The following TAFA1 variants were observed in gnomAD, a reference collection of about 807,000 sequenced individuals.
The protein encoded by TAFA1 is chemokine-like protein TAFA-1.
In TAFA1, 4 loss-of-function variants were observed where a neutral mutation model predicts 18.5. The observed-to-expected ratio is 0.22, with a 90% CI of 0.11 to 0.49. The LOEUF (loss-of-function observed/expected upper bound fraction) is 0.49, where lower values mean the gene tolerates loss of function less well. TAFA1 is among the 20% of genes least tolerant of loss of function. The pLI, the probability that TAFA1 is intolerant of heterozygous loss-of-function variation, is 0.98. For missense variants in TAFA1, 147 were observed against 169.0 expected (o/e 0.87, Z 0.72); for synonymous variants, 56 against 55.2 (o/e 1.01, Z -0.06).
At chr3:68,482,404 G>A (rs1373694557) in intron 3 of TAFA1, among the ~76,000 whole-genome samples, 1 of 152,124 alleles carries the variant, frequency 6.6e-6, no homozygotes, top group Non-Finnish European at 1.5e-5. Context: ...CAAAAGAGAA[G>A]CAAGTTAACC....
At chr3:67,993,425 G>A in the TAFA1 span, among the ~76,000 whole-genome samples, 1 of 152,160 alleles carries the variant, frequency 6.6e-6, no homozygotes, top group Non-Finnish European at 1.5e-5. Flanking sequence ...CAGTTGGCTT[G>A]TAAGTATTTT....
chr3:68,216,064 G>T (rs2066653177), intron 2 of TAFA1, among the ~76,000 whole-genome samples: 1 of 152,010 alleles, frequency 6.6e-6, no homozygotes, highest in African/African-American at 2.4e-5. Context: ...AATCTGAAAA[G>T]GCTACCTACT....
In TAFA1 at chr3:68,167,509, G is replaced by A. The variant is rs375163900; in HGVS notation, c.118+160765G>A. Among the ~76,000 whole-genome samples the A allele has an allele frequency of 7.7e-4, 117 of 151,260 alleles. 1 individual carries two copies. In the East Asian group the frequency reaches 0.015, roughly 19 times the overall value. ...GGAGAATGGCCTGGACCTGGGAGGC[G>A]GAGCTTGTAGTGAGCCGAGATCAAG... On this transcript the variant is annotated intron_variant, in intron 2 of 4. Transcript: ENST00000478136.
At chr3:68,064,259 T>C (rs2064644333) in intron 2 of TAFA1, among the ~76,000 whole-genome samples, 1 of 152,098 alleles carries the variant, frequency 6.6e-6, no homozygotes, top group South Asian at 2.1e-4. Context: ...ATGGGGATAG[T>C]TGATGAGGAG....
chr3:68,120,185 CTTTCTTT>C (rs2065375962), intron 2 of TAFA1, among the ~76,000 whole-genome samples: 1 of 23,906 alleles, frequency 4.2e-5, no homozygotes. Context: ...TTCTTTCTTT[CTTTCTTT>C]CTTTCTTTCT....
chr3:68,202,309 A>G (rs1272235515), intron 2 of TAFA1, among the ~76,000 whole-genome samples: 1 of 151,558 alleles, frequency 6.6e-6, no homozygotes, highest in African/African-American at 2.4e-5. Flanking sequence ...ATCCACTCTG[A>G]CAATCCCTGT....
chr3:68,074,464 A>G (rs1364549436), intron 2 of TAFA1, among the ~76,000 whole-genome samples: 1 of 152,190 alleles, frequency 6.6e-6, no homozygotes, highest in Non-Finnish European at 1.5e-5. Context: ...TTCCTGCTCT[A>G]TGACCTTGGG....
chr3:68,200,193 A>T (rs1238516755), intron 2 of TAFA1, among the ~76,000 whole-genome samples: 1 of 151,538 alleles, frequency 6.6e-6, no homozygotes, highest in Admixed American at 6.6e-5. Context: ...ATCCCTCTTG[A>T]TTATAGTGCA....
intron 2 of TAFA1, among the ~76,000 whole-genome samples, chr3:68,141,423 G>A (rs992622786): frequency 2.0e-5 from 3 of 152,096 alleles, no homozygotes; most frequent in Non-Finnish European, 4.4e-5. Context: ...CCTTTATTAA[G>A]AGAGAGAACT....
rs2070560057 is a variant in TAFA1, at chr3:68,404,513, G to T, written c.119-12767G>T. On this transcript the variant is annotated intron_variant, in intron 2 of 4. Coordinates refer to ENST00000478136, the MANE Select transcript of TAFA1 (RefSeq NM_213609.4). Reference sequence around the variant, plus strand: ...TTCTCCTATAGGACCAAAAAAAAGAGAAAGGGCTGGGTGTGGTGGCTCACG... The same window carrying T: ...TTCTCCTATAGGACCAAAAAAAAGATAAAGGGCTGGGTGTGGTGGCTCACG... 2.6e-5 allele frequency among the ~76,000 whole-genome samples: 4 copies of T among 152,210 alleles called. No homozygotes were observed. In the South Asian group the frequency reaches 8.3e-4, roughly 32 times the overall value.
intron 3 of TAFA1, among the ~76,000 whole-genome samples, chr3:68,483,933 C>T (rs1287364744): frequency 2.0e-5 from 3 of 152,132 alleles, no homozygotes; most frequent in East Asian, 3.9e-4. Context: ...TGGGAAGCCA[C>T]GGAAGGATTT....
intron 3 of TAFA1, among the ~76,000 whole-genome samples, chr3:68,472,728 C>A (rs2072024299): frequency 6.6e-6 from 1 of 151,940 alleles, no homozygotes. Flanking sequence ...ATAATTATCT[C>A]AATTAAAAAA....
chr3:68,205,780 A>G (rs971993858), intron 2 of TAFA1, among the ~76,000 whole-genome samples: 3 of 151,912 alleles, frequency 2.0e-5, no homozygotes, highest in African/African-American at 7.2e-5. Context: ...ACAATTAGTC[A>G]CAAAATTGGT....
At position 68,492,771 on chromosome 3, in the gene TAFA1, G is replaced by A. The variant is rs1047341807; in HGVS notation, c.260-45985G>A. On this transcript the variant is annotated intron_variant, in intron 3 of 4. Coordinates refer to ENST00000478136, the MANE Select transcript of TAFA1 (RefSeq NM_213609.4). ...AAGGAAAAGCTTTAAAAAAACTACC[G>A]TGGGAAGACATTTTCACCTTCAAAA... Among the ~76,000 whole-genome samples the A allele has an allele frequency of 7.2e-5, 11 of 152,064 alleles. No homozygotes were observed. The South Asian group carries it at 1.2e-3, about 17-fold the overall frequency.
chr3:68,169,179 G>T (rs1399509555), intron 2 of TAFA1, among the ~76,000 whole-genome samples: 1 of 152,214 alleles, frequency 6.6e-6, no homozygotes, highest in African/African-American at 2.4e-5. Flanking sequence ...ATGTGATGAT[G>T]TGCAACTTTC....
chr3:68,011,677 T>C (rs1331027800), intron 2 of TAFA1, among the ~76,000 whole-genome samples: 3 of 152,160 alleles, frequency 2.0e-5, no homozygotes, highest in Non-Finnish European at 4.4e-5. Flanking sequence ...ATTGGCTCTT[T>C]AAGAATGCGT....
chr3:68,006,371 A>G (rs1230545399), intron 1 of TAFA1: 1 of 450,836 alleles, frequency 2.2e-6, no homozygotes, highest in Non-Finnish European at 4.1e-6. Flanking sequence ...ATAGCCTAAA[A>G]CTTTATTTTT....
At position 68,032,541 on chromosome 3, in the gene TAFA1, C is replaced by T. The variant is rs145049692; in HGVS notation, c.118+25797C>T. Among the ~76,000 whole-genome samples the T allele has an allele frequency of 1.6e-3, 238 of 152,242 alleles. 3 individuals are homozygous for T. The highest frequency in any genetic ancestry group is 5.3e-3 in the African/African-American group (219 of 41,554). ...GCAAAAAGAATTACATCCTAGAACA[C>T]AGAGTGAGAATTTGCTGAAATTCTC... is the stretch of plus-strand genomic sequence containing the variant. On this transcript the variant is annotated intron_variant, in intron 2 of 4. Coordinates refer to ENST00000478136, the MANE Select transcript of TAFA1 (RefSeq NM_213609.4).
intron 2 of TAFA1, among the ~76,000 whole-genome samples, chr3:68,198,305 T>C (rs2066435069): frequency 6.6e-6 from 1 of 151,732 alleles, no homozygotes; most frequent in Admixed American, 6.6e-5. Context: ...TTCCAAATTT[T>C]GGTAATTATG....
Sources: gnomAD v4.1 joint callset for allele counts (sites outside exome capture counted in the v4.1 genomes callset) on GRCh38, gnomAD v4.1.1 for gene constraint, MANE v1.5 for transcripts, NCBI Gene and HGNC (gene_info 2026-07-23, HGNC 2026-07-21) for gene names.